The following DOK6 variants were observed in gnomAD, a reference collection of about 807,000 sequenced individuals.
DOK6 encodes downstream of tyrosine kinase 6.
A neutral mutation model predicts 44.0 loss-of-function variants in DOK6; 22 were observed. The observed-to-expected ratio is 0.50, with a 90% CI of 0.36 to 0.71. The LOEUF (loss-of-function observed/expected upper bound fraction) is 0.71. Ranked by LOEUF, DOK6 falls within the 30% of genes least tolerant of loss-of-function variation. The pLI is 0.00. For synonymous variants in DOK6, 166 were observed against 145.5 expected (o/e 1.14, Z -1.01); for missense variants, 340 against 416.4 (o/e 0.82, Z 1.60).
chr18:69,540,521 G>A (rs1156292279), intron 1 of DOK6, among the ~76,000 whole-genome samples: 1 of 152,006 alleles, frequency 6.6e-6, no homozygotes, highest in African/African-American at 2.4e-5. Context: ...CAATCTTGGT[G>A]GATCCTTGTA....
At chr18:69,531,662 T>A (rs1362683691) in intron 1 of DOK6, among the ~76,000 whole-genome samples, 6 of 152,146 alleles carry the variant, frequency 3.9e-5, no homozygotes. Context: ...TCTCATGAGA[T>A]CACTCCACCA....
intron 1 of DOK6, among the ~76,000 whole-genome samples, chr18:69,445,872 C>A (rs80156577): frequency 6.6e-6 from 1 of 152,002 alleles, no homozygotes; most frequent in Non-Finnish European, 1.5e-5. Context: ...GGTGACACAG[C>A]GAGGTTATGT....
intron 1 of DOK6, among the ~76,000 whole-genome samples, chr18:69,519,051 C>T (rs1014626882): frequency 6.6e-6 from 1 of 151,964 alleles, no homozygotes; most frequent in Admixed American, 6.6e-5. Context: ...AAATTACCAA[C>T]AGCATATTGT....
chr18:69,449,722 C>T (rs1979403133), intron 1 of DOK6, among the ~76,000 whole-genome samples: 1 of 151,948 alleles, frequency 6.6e-6, no homozygotes, highest in African/African-American at 2.4e-5. Context: ...TGAGAACGGG[C>T]AGACTGCCTC....
At chr18:69,462,279 G>T (rs17080931) in intron 1 of DOK6, among the ~76,000 whole-genome samples, 1 of 152,010 alleles carries the variant, frequency 6.6e-6, no homozygotes, top group East Asian at 1.9e-4. Context: ...CTTGTAGGAG[G>T]CCTGTCAGAT....
chr18:69,520,258 C>G (rs919265593), intron 1 of DOK6, among the ~76,000 whole-genome samples: 2 of 149,176 alleles, frequency 1.3e-5, no homozygotes, highest in Admixed American at 6.7e-5. Context: ...TTATTTAAAA[C>G]AATTTCTATT....
intron 1 of DOK6, among the ~76,000 whole-genome samples, chr18:69,481,619 T>G (rs1288466769): frequency 1.3e-5 from 2 of 152,182 alleles, no homozygotes; most frequent in African/African-American, 2.4e-5. Context: ...ATCCAGTCTA[T>G]CATTGTTGGA....
chr18:69,775,061 C>T (rs1980019945), intron 7 of DOK6, among the ~76,000 whole-genome samples: 1 of 151,500 alleles, frequency 6.6e-6, no homozygotes, highest in Non-Finnish European at 1.5e-5. Flanking sequence ...AAATGAAATC[C>T]CTCGTTGGCC....
At chr18:69,506,278 A>T (rs1455988989) in intron 1 of DOK6, among the ~76,000 whole-genome samples, 3 of 152,162 alleles carry the variant, frequency 2.0e-5, no homozygotes, top group African/African-American at 7.2e-5. Flanking sequence ...ATGCAGTATA[A>T]TTTGCACTTT....
At chr18:69,831,745 AG>A (rs1981908319) in intron 7 of DOK6, among the ~76,000 whole-genome samples, 1 of 152,250 alleles carries the variant, frequency 6.6e-6, no homozygotes, top group Non-Finnish European at 1.5e-5. Flanking sequence ...AGGAGAGCAC[AG>A]TGATCAAATC....
chr18:69,728,545 C>T (rs1400094866), intron 5 of DOK6, among the ~76,000 whole-genome samples: 1 of 152,002 alleles, frequency 6.6e-6, no homozygotes, highest in Non-Finnish European at 1.5e-5. Flanking sequence ...TAATACTTTC[C>T]ATAGCAAATC....
At chr18:69,491,759 T>A (rs1980740736) in intron 1 of DOK6, among the ~76,000 whole-genome samples, 1 of 152,240 alleles carries the variant, frequency 6.6e-6, no homozygotes, top group Admixed American at 6.5e-5. Flanking sequence ...GGAGATTGTT[T>A]ATTGTATCTG....
chr18:69,409,736 C>A (rs1033207094), intron 1 of DOK6, among the ~76,000 whole-genome samples: 3 of 152,030 alleles, frequency 2.0e-5, no homozygotes, highest in African/African-American at 7.3e-5. Flanking sequence ...AAAACTATAA[C>A]TTTAACACCA....
intron 5 of DOK6, among the ~76,000 whole-genome samples, chr18:69,729,268 G>A (rs536689596): frequency 1.6e-4 from 25 of 152,162 alleles, no homozygotes; most frequent in Non-Finnish European, 3.4e-4. Flanking sequence ...TGTATTCTGT[G>A]AGTTAAACCT....
intron 5 of DOK6, among the ~76,000 whole-genome samples, chr18:69,734,393 C>CAAAAAAAAAAAAAA (rs60831756): frequency 6.2e-5 from 3 of 48,512 alleles, no homozygotes; most frequent in Admixed American, 3.7e-4. Flanking sequence ...TTCATAGCAG[C>CAAAAAAAAAAAAAA]AAAAAAAAAA....
chr18:69,719,395 G>A (rs1986955903), intron 5 of DOK6, among the ~76,000 whole-genome samples: 1 of 152,214 alleles, frequency 6.6e-6, no homozygotes, highest in South Asian at 2.1e-4. Context: ...CTAATGCAAA[G>A]TCTGAAAAAT....
At chr18:69,519,450 A>G (rs1050933272) in intron 1 of DOK6, among the ~76,000 whole-genome samples, 9 of 152,032 alleles carry the variant, frequency 5.9e-5, no homozygotes, top group African/African-American at 2.2e-4. Context: ...ACATACAAGA[A>G]GAAAAAAACT....
intron 2 of DOK6, among the ~76,000 whole-genome samples, chr18:69,586,713 A>G (rs932280132): frequency 6.6e-6 from 1 of 152,098 alleles, no homozygotes; most frequent in African/African-American, 2.4e-5. Context: ...GATAGCAGTA[A>G]ATTATTTTTC....
At chr18:69,653,264 T>C (rs11151521) in intron 3 of DOK6, among the ~76,000 whole-genome samples, 61,085 of 149,710 alleles carry the variant, frequency 0.41, 12,905 homozygotes, top group Admixed American at 0.47. Context: ...CTATGGCAGA[T>C]AGCTGAGAAG....
Sources: allele counts gnomAD v4.1 joint callset (sites outside exome capture counted in the v4.1 genomes callset), GRCh38; gene constraint gnomAD v4.1.1; transcripts MANE v1.5; gene names NCBI Gene and HGNC (gene_info 2026-07-23, HGNC 2026-07-21).